Variants in ANKS1B observed in about 807,000 individuals in gnomAD.
ANKS1B encodes ankyrin repeat and sterile alpha motif domain-containing protein 1B.
ANKS1B carries 36 observed loss-of-function variants against 148.3 expected under a neutral mutation model. That is an observed-to-expected ratio of 0.24 (90% CI 0.19 to 0.32). The LOEUF is 0.32. Ranked by LOEUF, ANKS1B falls within the 10% of genes least tolerant of loss-of-function variation. The pLI, the probability that ANKS1B is intolerant of heterozygous loss-of-function variation, is 1.00. For missense variants in ANKS1B, 1,157 were observed against 1,542.6 expected, an observed-to-expected ratio of 0.75 and a Z score of 4.19; for synonymous variants, 542 against 560.8, an observed-to-expected ratio of 0.97 and a Z score of 0.47.
Position 98,936,403 on chromosome 12 carries a change from C to T in ANKS1B, c.2779-104267G>A, listed in dbSNP as rs139344052. Among the ~76,000 whole-genome samples, 16 of 152,102 alleles carry T rather than the reference C, an allele frequency of 1.1e-4. No individual in the cohort carries two copies. The East Asian group carries it at 1.6e-3, about 15-fold the overall frequency. ...CAGCACTTTGGGAGGCTGAGGTGGG[C>T]GGATCATGAGGTCAAGAGGTTGAGA... On this transcript the variant is annotated intron_variant, in intron 17 of 26. Transcript: ENST00000683438.
At chr12:99,499,175 T>A (rs1263988624) in intron 10 of ANKS1B, among the ~76,000 whole-genome samples, 1 of 152,220 alleles carries the variant, frequency 6.6e-6, no homozygotes, top group Non-Finnish European at 1.5e-5. Flanking sequence ...AGAAACTGTT[T>A]TGATCTATAT....
At chr12:99,906,169 G>A (rs2093773645) in intron 1 of ANKS1B, among the ~76,000 whole-genome samples, 1 of 152,172 alleles carries the variant, frequency 6.6e-6, no homozygotes. Context: ...TATGTTTGCA[G>A]CCTGGAACAA....
chr12:98,989,005 T>A (rs989344675), intron 17 of ANKS1B, among the ~76,000 whole-genome samples: 1 of 152,192 alleles, frequency 6.6e-6, no homozygotes, highest in Non-Finnish European at 1.5e-5. Flanking sequence ...TGTTTTGGAA[T>A]ATTAACTCCT....
intron 12 of ANKS1B, among the ~76,000 whole-genome samples, chr12:99,337,826 C>G (rs1442725328): frequency 6.6e-6 from 1 of 152,186 alleles, no homozygotes; most frequent in Non-Finnish European, 1.5e-5. Flanking sequence ...CATGGATTAT[C>G]AGGCATAGAA....
intron 19 of ANKS1B, among the ~76,000 whole-genome samples, chr12:98,827,914 C>T (rs28702905): frequency 6.6e-6 from 1 of 152,138 alleles, no homozygotes; most frequent in Non-Finnish European, 1.5e-5. Context: ...ACATATGTGA[C>T]TCGAAAATAT....
chr12:99,540,802 C>A (rs2097117669), intron 9 of ANKS1B, among the ~76,000 whole-genome samples: 1 of 148,626 alleles, frequency 6.7e-6, no homozygotes, highest in African/African-American at 2.5e-5. Context: ...AAAATAAATG[C>A]AAATAAAGAA....
chr12:99,683,868 A>C (rs1012728512), intron 8 of ANKS1B, among the ~76,000 whole-genome samples: 1 of 152,152 alleles, frequency 6.6e-6, no homozygotes, highest in Non-Finnish European at 1.5e-5. Context: ...TAAAAACATC[A>C]TCTCAATAGA....
At chr12:99,838,798 TA>T (rs2085251782) in intron 1 of ANKS1B, among the ~76,000 whole-genome samples, 2 of 152,098 alleles carry the variant, frequency 1.3e-5, no homozygotes, top group Non-Finnish European at 1.5e-5. Context: ...TGATATGAGG[TA>T]TTTCCCAATG....
chr12:98,773,281 G>A (rs893735154), intron 24 of ANKS1B, 102 bp from the exon 25 acceptor site: 1 of 1,376,734 alleles, frequency 7.3e-7, no homozygotes. Flanking sequence ...CTTCTTTCTG[G>A]AGTGTTCTAG....
At chr12:99,282,250 C>G (rs972198546) in intron 12 of ANKS1B, among the ~76,000 whole-genome samples, 1 of 152,066 alleles carries the variant, frequency 6.6e-6, no homozygotes, top group African/African-American at 2.4e-5. Context: ...ATAGCAGGTG[C>G]GAAGTCCCTG....
intron 10 of ANKS1B, among the ~76,000 whole-genome samples, chr12:99,496,635 T>C (rs944019998): frequency 6.6e-6 from 1 of 152,234 alleles, no homozygotes; most frequent in Non-Finnish European, 1.5e-5. Context: ...AAGAGTATCC[T>C]TCATTTTCTG....
chr12:99,573,623 C>T (rs537670663), intron 9 of ANKS1B, among the ~76,000 whole-genome samples: 50 of 152,134 alleles, frequency 3.3e-4, no homozygotes, highest in Admixed American at 3.1e-3. Context: ...GTTTCCTACT[C>T]TTTATGATGA....
chr12:98,757,107 A>G (rs1301722324), intron 25 of ANKS1B, among the ~76,000 whole-genome samples: 4 of 152,078 alleles, frequency 2.6e-5, no homozygotes, highest in Non-Finnish European at 5.9e-5. Flanking sequence ...AGAATGCCTG[A>G]GCTAGCCACA....
intron 1 of ANKS1B, among the ~76,000 whole-genome samples, chr12:99,893,090 T>C (rs879835098): frequency 3.3e-5 from 5 of 151,978 alleles, no homozygotes; most frequent in African/African-American, 4.8e-5. Flanking sequence ...AGATAACTTA[T>C]TGGGGTTCAG....
chr12:98,937,996 C>T lies in ANKS1B; in HGVS notation c.2779-105860G>A, dbSNP rs1310348915. Reference sequence around the variant, plus strand: ...CACTAGAGCAGCATGGGGGAAACTGCCCCCATGATCCAATCACCTCTTACC... The same window carrying T: ...CACTAGAGCAGCATGGGGGAAACTGTCCCCATGATCCAATCACCTCTTACC... On this transcript the variant is annotated intron_variant, in intron 17 of 26. Coordinates refer to ENST00000683438, the MANE Select transcript of ANKS1B (RefSeq NM_001352186.2). 2.6e-5 allele frequency among the ~76,000 whole-genome samples: 4 copies of T among 152,052 alleles called. No homozygotes were observed. The East Asian group carries it at 5.8e-4, about 22-fold the overall frequency.
chr12:99,856,376 T>A (rs938055926), intron 1 of ANKS1B, among the ~76,000 whole-genome samples: 4 of 151,892 alleles, frequency 2.6e-5, no homozygotes. Flanking sequence ...GTAGAAACTC[T>A]GAAGAGACCA....
chr12:99,419,169 T>C (rs1307199320), intron 11 of ANKS1B, among the ~76,000 whole-genome samples: 1 of 152,198 alleles, frequency 6.6e-6, no homozygotes, highest in Non-Finnish European at 1.5e-5. Flanking sequence ...AAGACAAGAT[T>C]GTTTAGAGTT....
intron 9 of ANKS1B, among the ~76,000 whole-genome samples, chr12:99,541,278 A>C (rs927103186): frequency 2.0e-5 from 3 of 152,196 alleles, no homozygotes; most frequent in African/African-American, 7.2e-5. Context: ...TTTCAAATTC[A>C]TTTTAGGAAT....
At chr12:99,417,439 T>C (rs1388120694) in intron 11 of ANKS1B, among the ~76,000 whole-genome samples, 1 of 152,234 alleles carries the variant, frequency 6.6e-6, no homozygotes, top group African/African-American at 2.4e-5. Flanking sequence ...CTACATTGTC[T>C]TAAGTACTGT....
Sources: allele counts gnomAD v4.1 joint callset (sites outside exome capture counted in the v4.1 genomes callset), GRCh38; gene constraint gnomAD v4.1.1; transcripts MANE v1.5; gene names NCBI Gene and HGNC (gene_info 2026-07-23, HGNC 2026-07-21).